The following TPTE2 variants were observed in gnomAD, a reference collection of about 807,000 sequenced individuals.
The protein encoded by TPTE2 is phosphatidylinositol 3,4,5-trisphosphate 3-phosphatase TPTE2.
In TPTE2, 53 loss-of-function variants were observed where a neutral mutation model predicts 78.6. The observed-to-expected ratio is 0.67, with a 90% CI of 0.54 to 0.85. The LOEUF (loss-of-function observed/expected upper bound fraction) is 0.85, where lower values mean the gene tolerates loss of function less well. TPTE2 is among the 40% of genes least tolerant of loss of function. TPTE2 has a pLI of 0.00. For missense variants in TPTE2, 461 were observed against 623.0 expected (o/e 0.74, Z 2.77); for synonymous variants, 175 against 206.2 (o/e 0.85, Z 1.30).
chr13:19,444,826 A>C (rs1877725333), intron 13 of TPTE2, among the ~76,000 whole-genome samples: 1 of 152,242 alleles, frequency 6.6e-6, no homozygotes, highest in African/African-American at 2.4e-5. Flanking sequence ...TGAAAAATCA[A>C]TGAACAGAAT....
intron 1 of TPTE2, among the ~76,000 whole-genome samples, chr13:19,495,232 A>G (rs575159846): frequency 3.2e-4 from 48 of 152,086 alleles, no homozygotes; most frequent in Non-Finnish European, 5.4e-4. Flanking sequence ...GCTCCATCCC[A>G]TGTGAGGGTG....
chr13:19,502,349 G>A lies in TPTE2; in HGVS notation c.11+875C>T, dbSNP rs150335140. On this transcript the variant is annotated intron_variant, in intron 1 of 19. Transcript: ENST00000400230. ...TGCTGCTATAAAGACACATGCACAC[G>A]TATATTTATTGTGGCATTATTCACA... Among the ~76,000 whole-genome samples the A allele has an allele frequency of 7.3e-5, 11 of 151,270 alleles. No homozygotes were observed. In the East Asian group the frequency reaches 9.7e-4, roughly 13 times the overall value.
At chr13:19,501,868 A>G (rs1431597369) in intron 1 of TPTE2, among the ~76,000 whole-genome samples, 4 of 151,698 alleles carry the variant, frequency 2.6e-5, no homozygotes, top group African/African-American at 7.3e-5. Context: ...GCAACCTACA[A>G]AATGGGAGAA....
intron 1 of TPTE2, among the ~76,000 whole-genome samples, chr13:19,524,557 A>G (rs1370868392): frequency 1.3e-5 from 2 of 152,230 alleles, no homozygotes; most frequent in Non-Finnish European, 2.9e-5. Flanking sequence ...GCAGGAGTCA[A>G]CAGAAACCAT....
At chr13:19,513,695 C>A (rs944060649) in intron 1 of TPTE2, among the ~76,000 whole-genome samples, 5 of 152,068 alleles carry the variant, frequency 3.3e-5, no homozygotes, top group African/African-American at 1.2e-4. Flanking sequence ...GGAAAGAAGT[C>A]TTTATGTGTT....
chr13:19,496,578 A>C (rs1881327006), intron 1 of TPTE2, among the ~76,000 whole-genome samples: 1 of 152,166 alleles, frequency 6.6e-6, no homozygotes, highest in South Asian at 2.1e-4. Context: ...TTTGTGTTTT[A>C]GCACCAACCT....
chr13:19,460,198 G>C (rs969084510), intron 10 of TPTE2, among the ~76,000 whole-genome samples: 1 of 152,202 alleles, frequency 6.6e-6, no homozygotes. Flanking sequence ...TGGTGACATG[G>C]GCTCACAAGG....
At chr13:19,540,373 C>CA (rs1423681217), upstream of TPTE2, among the ~76,000 whole-genome samples, 2 of 151,352 alleles carry the variant, frequency 1.3e-5, no homozygotes, top group Non-Finnish European at 2.9e-5. Flanking sequence ...GGCGTAATCT[C>CA]AGCTCATTGC....
chr13:19,551,411 G>A, the TPTE2 span, among the ~76,000 whole-genome samples: 7 of 152,104 alleles, frequency 4.6e-5, no homozygotes, highest in South Asian at 4.2e-4. Context: ...CCAACACTGC[G>A]AAACCCCATC....
chr13:19,462,974 T>G (rs563887803), intron 10 of TPTE2, among the ~76,000 whole-genome samples: 2 of 151,792 alleles, frequency 1.3e-5, no homozygotes, highest in African/African-American at 2.4e-5. Flanking sequence ...TGTCTGTTTT[T>G]AAAGCTCTTG....
chr13:19,548,349 T>C, the TPTE2 span, among the ~76,000 whole-genome samples: 1 of 143,670 alleles, frequency 7.0e-6, no homozygotes, highest in African/African-American at 2.5e-5. Context: ...CTGTTACCTT[T>C]CAGTTAGCAC....
intron 13 of TPTE2, among the ~76,000 whole-genome samples, chr13:19,444,740 C>G (rs1409085961): frequency 5.3e-5 from 8 of 152,092 alleles, no homozygotes; most frequent in African/African-American, 1.9e-4. Context: ...AATACCCAAA[C>G]AATTGTGAGA....
At chr13:19,440,143 AT>A (rs1877393921) in intron 13 of TPTE2, among the ~76,000 whole-genome samples, 1 of 152,206 alleles carries the variant, frequency 6.6e-6, no homozygotes, top group African/African-American at 2.4e-5. Flanking sequence ...ACCAAGGCAT[AT>A]ACTCACCAGA....
At chr13:19,500,651 C>T (rs2137666519) in intron 1 of TPTE2, among the ~76,000 whole-genome samples, 3 of 152,226 alleles carry the variant, frequency 2.0e-5, no homozygotes, top group African/African-American at 7.2e-5. Context: ...GGATGTATTT[C>T]AAAATAATAA....
intron 3 of TPTE2, among the ~76,000 whole-genome samples, chr13:19,488,717 A>C (rs1828550441): frequency 6.6e-6 from 1 of 152,312 alleles, no homozygotes; most frequent in Non-Finnish European, 1.5e-5. Context: ...TGGTTTGATC[A>C]TTTATCCAGA....
In TPTE2 at chr13:19,535,397, G is replaced by A. The variant is rs1871153687; in HGVS notation, c.-44+1199C>T. ...AAAGGGACAATGTCATCACTGGCTA[G>A]TGAAAATTAGAAAAATTTAAGGAAT... On this transcript the variant is annotated intron_variant, in intron 1 of 17. Transcript: ENST00000390680. The surrounding 1 kb of genome is among the most constrained non-coding windows in gnomAD (Gnocchi z 5.1). Among the ~76,000 whole-genome samples the A allele has an allele frequency of 6.6e-6, 1 of 151,924 alleles. No individual in the cohort carries two copies. Among genetic ancestry groups the A allele is most frequent in the Admixed American group, 6.6e-5 (1 of 15,266 alleles).
At chr13:19,485,628 A>G (rs1324222013) in intron 3 of TPTE2, among the ~76,000 whole-genome samples, 2 of 151,930 alleles carry the variant, frequency 1.3e-5, no homozygotes, top group Non-Finnish European at 2.9e-5. Context: ...TTTTCCTCAT[A>G]TTTTCTCTTC....
At chr13:19,450,753 CAG>C (rs989536726) in intron 11 of TPTE2, among the ~76,000 whole-genome samples, 7 of 152,166 alleles carry the variant, frequency 4.6e-5, no homozygotes, top group African/African-American at 9.7e-5. Context: ...CTATTTTCTA[CAG>C]AGTCTTTTGC....
At chr13:19,452,500 C>T (rs138589087) in intron 10 of TPTE2, among the ~76,000 whole-genome samples, 3,721 of 152,096 alleles carry the variant, frequency 0.024, 65 homozygotes, top group Middle Eastern at 0.051. Flanking sequence ...ACTCACTCAC[C>T]TTATAGATAA....
Sources: gnomAD v4.1 joint callset for allele counts (sites outside exome capture counted in the v4.1 genomes callset) on GRCh38, gnomAD v4.1.1 for gene constraint, Gnocchi (gnomAD v3.1) non-coding constraint, MANE v1.5 for transcripts, NCBI Gene and HGNC (gene_info 2026-07-23, HGNC 2026-07-21) for gene names.